CDH1: variants seen among roughly 807,000 people sequenced by gnomAD.
CDH1 encodes the protein cadherin 1.
A neutral mutation model predicts 84.5 loss-of-function variants in CDH1; 35 were observed. The ratio of observed to expected loss-of-function variants is 0.41; its 90% confidence interval spans 0.32 to 0.55. The LOEUF is 0.55. CDH1 is among the 20% of genes least tolerant of loss of function. The pLI, the probability that CDH1 is intolerant of heterozygous loss-of-function variation, is 0.19. For synonymous variants in CDH1, 417 were observed against 439.0 expected, an observed-to-expected ratio of 0.95 and a Z score of 0.63; for missense variants, 994 against 1,126.6, an observed-to-expected ratio of 0.88 and a Z score of 1.68.
intron 2 of CDH1, among the ~76,000 whole-genome samples, chr16:68,745,609 G>GTGTATATATATGTATGTGTA (rs1555510504): frequency 8.2e-6 from 1 of 122,284 alleles, no homozygotes; most frequent in African/African-American, 3.2e-5. Context: ...ATATGTATGT[G>GTGTATATATATGTATGTGTA]TATATATATA....
chr16:68,833,813 A>G lies in CDH1; in HGVS notation c.*314A>G, dbSNP rs1475390976. ...TTTAGCATCAGAAGGTTCACCCAGC[A>G]CCTTGCAGATTTTCTTAAGGAATTT... On this transcript the variant is annotated 3_prime_UTR_variant, in exon 16 of 16. Coordinates refer to ENST00000261769, the MANE Select transcript of CDH1 (RefSeq NM_004360.5). The G allele has an allele frequency of 7.2e-6, 3 of 416,676 alleles. No individual in the cohort carries two copies. Among genetic ancestry groups the G allele is most frequent in the African/African-American group, 4.0e-5 (2 of 50,208 alleles). 25.8% of individuals were successfully genotyped at this position (416,676 alleles called of 1,614,324 possible).
At chr16:68,810,102 G>A in intron 5 of CDH1, 95 bp from the exon 6 acceptor site, 3 of 1,324,852 alleles carry the variant, frequency 2.3e-6, no homozygotes, top group Non-Finnish European at 3.3e-6. Flanking sequence ...AGGAAGGTGT[G>A]GCAGCCAGGG....
At chr16:68,783,168 A>G (rs1047502958) in intron 2 of CDH1, among the ~76,000 whole-genome samples, 1 of 152,018 alleles carries the variant, frequency 6.6e-6, no homozygotes, top group Non-Finnish European at 1.5e-5. Context: ...AGGCCGAGGC[A>G]GGCAGATATC....
intron 15 of CDH1, among the ~76,000 whole-genome samples, chr16:68,831,550 T>C (rs1318731878): frequency 2.6e-5 from 4 of 151,758 alleles, no homozygotes; most frequent in Admixed American, 6.6e-5. Context: ...ATTTTTATTT[T>C]CATTTTTTGA....
intron 2 of CDH1, among the ~76,000 whole-genome samples, chr16:68,783,056 G>C (rs184896482): frequency 2.0e-5 from 3 of 151,904 alleles, no homozygotes; most frequent in Admixed American, 2.0e-4. Context: ...TTGAGATTAC[G>C]GTCAACTGAA....
At chr16:68,806,128 A>ATTTC (rs1960651683) in intron 3 of CDH1, among the ~76,000 whole-genome samples, 1 of 29,014 alleles carries the variant, frequency 3.4e-5, no homozygotes, top group African/African-American at 9.4e-5. Flanking sequence ...TTGTATATTT[A>ATTTC]TTTATTTATT....
intron 15 of CDH1, among the ~76,000 whole-genome samples, chr16:68,832,169 C>T (rs9936661): frequency 0.076 from 11,484 of 151,988 alleles, 983 homozygotes; most frequent in African/African-American, 0.2. Flanking sequence ...AAGATAACTA[C>T]TGGGTACTGG....
chr16:68,810,810 A>G (rs112540547), intron 6 of CDH1, among the ~76,000 whole-genome samples: 10,566 of 151,012 alleles, frequency 0.07, 413 homozygotes, highest in African/African-American at 0.1. Flanking sequence ...GGGTTGCAGT[A>G]AGCTGAGATC....
intron 2 of CDH1, among the ~76,000 whole-genome samples, chr16:68,798,605 A>G (rs1368040487): frequency 6.6e-6 from 1 of 152,200 alleles, no homozygotes; most frequent in Non-Finnish European, 1.5e-5. Flanking sequence ...AGTTATTTGC[A>G]AAACCATTTT....
chr16:68,746,822 G>C (rs144506739), intron 2 of CDH1, among the ~76,000 whole-genome samples: 367 of 152,170 alleles, frequency 2.4e-3, no homozygotes, highest in Middle Eastern at 6.8e-3. Flanking sequence ...GGTGGTGCAT[G>C]CCTGTAATCC....
chr16:68,796,506 T>C (rs1026322855), intron 2 of CDH1, among the ~76,000 whole-genome samples: 13 of 152,224 alleles, frequency 8.5e-5, no homozygotes, highest in African/African-American at 2.9e-4. Flanking sequence ...AAAGTGGGAC[T>C]GTTCCGTGTG....
chr16:68,792,631 T>A (rs1485003755), intron 2 of CDH1, among the ~76,000 whole-genome samples: 2 of 152,150 alleles, frequency 1.3e-5, no homozygotes, highest in Non-Finnish European at 2.9e-5. Flanking sequence ...ACAGCATTTG[T>A]CCAAGCAGAA....
intron 2 of CDH1, among the ~76,000 whole-genome samples, chr16:68,748,180 TC>T: frequency 6.7e-6 from 1 of 150,196 alleles, no homozygotes; most frequent in Non-Finnish European, 1.5e-5. Context: ...TGGCATGATC[TC>T]GGCTCACCGC....
intron 2 of CDH1, among the ~76,000 whole-genome samples, chr16:68,759,218 G>T (rs1318161456): frequency 6.6e-6 from 1 of 152,060 alleles, no homozygotes; most frequent in East Asian, 1.9e-4. Context: ...TGGGATTACA[G>T]GGGGCACAGT....
At chr16:68,780,932 A>C (rs1446504471) in intron 2 of CDH1, among the ~76,000 whole-genome samples, 3 of 152,202 alleles carry the variant, frequency 2.0e-5, no homozygotes, top group Non-Finnish European at 2.9e-5. Context: ...GGCCTGACCG[A>C]GGTTGTAGCA....
chr16:68,768,241 C>T (rs780549025), intron 2 of CDH1, among the ~76,000 whole-genome samples: 22 of 152,152 alleles, frequency 1.4e-4, no homozygotes, highest in Non-Finnish European at 2.6e-4. Flanking sequence ...CCACTGCGCC[C>T]GGCTTAATTA....
chr16:68,771,746 C>T (rs1438551346), intron 2 of CDH1, among the ~76,000 whole-genome samples: 5 of 118,344 alleles, frequency 4.2e-5, no homozygotes, highest in Admixed American at 9.5e-5. Flanking sequence ...GCAAGACTCC[C>T]TCTCAAAAAA....
chr16:68,818,250 A>AAG (rs1283387322), intron 10 of CDH1, among the ~76,000 whole-genome samples: 13 of 151,704 alleles, frequency 8.6e-5, no homozygotes, highest in African/African-American at 2.7e-4. Context: ...AAAAAAAAAA[A>AAG]AAAAGAAAAG....
At chr16:68,812,054 TG>T in intron 7 of CDH1, 80 bp from the exon 8 acceptor site, 1 of 1,599,822 alleles carries the variant, frequency 6.3e-7, no homozygotes, top group Non-Finnish European at 8.6e-7. Flanking sequence ...TTAAATATTC[TG>T]GTTCCATGTG....
Sources: gnomAD v4.1 joint callset for allele counts (sites outside exome capture counted in the v4.1 genomes callset) on GRCh38, gnomAD v4.1.1 for gene constraint, MANE v1.5 for transcripts, NCBI Gene and HGNC (gene_info 2026-07-23, HGNC 2026-07-21) for gene names.